Variants in CDK5RAP2 observed in about 807,000 individuals in gnomAD.
CDK5RAP2 encodes the protein CDK5 regulatory subunit-associated protein 2.
In CDK5RAP2, 147 loss-of-function variants were observed where a neutral mutation model predicts 232.9. The ratio of observed to expected loss-of-function variants is 0.63; its 90% CI spans 0.55 to 0.72. The LOEUF (loss-of-function observed/expected upper bound fraction) is 0.72. Among genes scored for constraint, CDK5RAP2 ranks in the 30% least tolerant of loss-of-function variants. CDK5RAP2 has a pLI of 0.00. For synonymous variants in CDK5RAP2, 833 were observed against 833.7 expected (o/e 1.00, Z 0.01); for missense variants, 2,195 against 2,231.5 (o/e 0.98, Z 0.33).
chr9:120,486,789 A>G (rs1473927658), intron 14 of CDK5RAP2, among the ~76,000 whole-genome samples: 1 of 152,222 alleles, frequency 6.6e-6, no homozygotes, highest in African/African-American at 2.4e-5. Context: ...TTCAGGAGTT[A>G]GCATGTAAAC....
chr9:120,553,115 A>G (rs1363177777), intron 3 of CDK5RAP2, among the ~76,000 whole-genome samples: 1 of 152,188 alleles, frequency 6.6e-6, no homozygotes, highest in Non-Finnish European at 1.5e-5. Context: ...TTTATATACA[A>G]TATCTCAATT....
At chr9:120,418,850 T>A (rs764981406) in intron 27 of CDK5RAP2, among the ~76,000 whole-genome samples, 1 of 152,166 alleles carries the variant, frequency 6.6e-6, no homozygotes. Flanking sequence ...GAGGCCACCA[T>A]GGGACAAAGG....
intron 5 of CDK5RAP2, 85 bp from the exon 6 acceptor site, chr9:120,539,249 G>C: frequency 6.5e-7 from 1 of 1,541,080 alleles, no homozygotes; most frequent in South Asian, 1.1e-5. Context: ...AGGAGTATTT[G>C]CTAGTCATTT....
In CDK5RAP2 at chr9:120,400,896, G is replaced by T. The variant is rs191994393; in HGVS notation, c.5308-11C>A. The T allele has an allele frequency of 6.2e-7, 1 of 1,614,112 alleles. No individual in the cohort carries two copies. Among genetic ancestry groups the T allele is most frequent in the South Asian group, 1.1e-5 (1 of 91,080 alleles). ...TGCTGGGTGTGGACCCTACACGGGG[G>T]ATATGAAGGCTGTTACGTGCAGTCT... On this transcript the variant is annotated splice_polypyrimidine_tract_variant and intron_variant, in intron 34 of 37. Coordinates refer to ENST00000349780, the MANE Select transcript of CDK5RAP2 (RefSeq NM_018249.6).
chr9:120,469,476 A>G (rs1332796819), intron 17 of CDK5RAP2, among the ~76,000 whole-genome samples: 1 of 152,228 alleles, frequency 6.6e-6, no homozygotes, highest in Non-Finnish European at 1.5e-5. Context: ...AATCTTAGTC[A>G]CACATACATG....
At chr9:120,494,612 TAATA>T (rs1564295854) in intron 12 of CDK5RAP2, among the ~76,000 whole-genome samples, 1 of 132,078 alleles carries the variant, frequency 7.6e-6, no homozygotes, top group Admixed American at 6.9e-5. Flanking sequence ...AACAAATAAC[TAATA>T]AACAAATGCA....
At chr9:120,558,610 A>G (rs1283512784) in intron 3 of CDK5RAP2, among the ~76,000 whole-genome samples, 2 of 152,056 alleles carry the variant, frequency 1.3e-5, no homozygotes, top group Non-Finnish European at 2.9e-5. Context: ...CCTGTTCACA[A>G]TATTCCAGCC....
Position 120,403,616 on chromosome 9 carries a change from G to T in CDK5RAP2, c.5041+420C>A, listed in dbSNP as rs1564173445. On this transcript the variant is annotated intron_variant, in intron 33 of 37. Transcript: ENST00000349780. The surrounding 1 kb of genome is among the most constrained non-coding windows in gnomAD (Gnocchi z 4.2). ...ATGTGTATTCATGATGAGTCTTGAG[G>T]AAACGGGACTTCTACCGGCAAAGAG... 3.3e-6 allele frequency: 1 copy of T among 304,736 alleles called. No homozygotes were observed. The highest frequency in any genetic ancestry group is 6.3e-6 in the Non-Finnish European group (1 of 157,828). The allele number at this position is 304,736 out of a possible 1,614,324, so 18.9% of individuals were successfully genotyped here. A position where few individuals can be genotyped will look rare whatever the true frequency, so the allele number is the denominator to read the frequency against.
chr9:120,449,301 G>C (rs2036363813), intron 21 of CDK5RAP2, among the ~76,000 whole-genome samples: 1 of 152,072 alleles, frequency 6.6e-6, no homozygotes, highest in Non-Finnish European at 1.5e-5. Flanking sequence ...AGGAAAATGG[G>C]ACTTGATTTC....
intron 13 of CDK5RAP2, among the ~76,000 whole-genome samples, chr9:120,489,226 G>T (rs2038765442): frequency 1.3e-5 from 2 of 152,136 alleles, no homozygotes; most frequent in Non-Finnish European, 2.9e-5. Context: ...CCAAGTGTGG[G>T]TTCTTTGTAT....
chr9:120,422,733 C>G lies in CDK5RAP2; in HGVS notation c.3964G>C (p.Val1322Leu), dbSNP rs764196113. ...TTCTGGGTGTTCATTTCCACTCCAA[C>G]TGATTTTCCTGGAAGCAGAAATAAC... ...LEKLFLNGKS[V>L]GVEMNTQNEL... Residue 1322 changes from valine (V) to leucine (L), a missense_variant, in exon 26 of 38, where the codon GTT (valine) becomes CTT (leucine). Val to Leu is a conservative substitution (Grantham distance 32). Transcript: ENST00000349780. The G allele has an allele frequency of 1.9e-6, 3 of 1,612,268 alleles. No homozygotes were observed. The highest frequency in any genetic ancestry group is 1.7e-5 in the Admixed American group (1 of 60,012).
rs372350373 is a variant in CDK5RAP2 at position 120,568,354 on chromosome 9, G to A, written c.162C>T (p.Pro54=). The A allele has an allele frequency of 6.2e-7, 1 of 1,613,692 alleles. No homozygotes were observed. Residue 54 remains proline, a synonymous_variant, in exon 3 of 38, where the codon CCC becomes CCT. Coordinates refer to ENST00000349780, the MANE Select transcript of CDK5RAP2 (RefSeq NM_018249.6). ...LPNVSEETVS[P]TRARNMKDFE... is the part of the protein sequence containing the mutation. ...AGTCCTTCATGTTCCGTGCTCTGGT[G>A]GGAGACACTGTTTCTTCTGACACAT...
In CDK5RAP2 at chr9:120,491,450, G is replaced by C. The variant is rs369321828; in HGVS notation, c.1339C>G (p.Arg447Gly). 3 of 1,610,844 alleles carry C rather than the reference G, an allele frequency of 1.9e-6. No individual in the cohort carries two copies. The highest frequency in any genetic ancestry group is 2.2e-5 in the East Asian group (1 of 44,754). ...RDLRNEVEKL[R>G]NEVNEREKAM... Reference sequence around the variant, plus strand: ...TTCTCTCTTTCATTCACTTCATTGCGTAATTTTTCAACTTCATTTCTAAGA... The same window carrying C: ...TTCTCTCTTTCATTCACTTCATTGCCTAATTTTTCAACTTCATTTCTAAGA... Residue 447 changes from arginine (R) to glycine (G), a missense_variant, in exon 13 of 38, where the codon CGC becomes GGC. By Grantham distance (125) the Arg-to-Gly change is moderately radical. Coordinates refer to ENST00000349780, the MANE Select transcript of CDK5RAP2 (RefSeq NM_018249.6).
intron 16 of CDK5RAP2, among the ~76,000 whole-genome samples, chr9:120,470,710 G>A (rs185703129): frequency 6.6e-6 from 1 of 150,930 alleles, no homozygotes; most frequent in Admixed American, 6.6e-5. Flanking sequence ...TGCAGAAAGT[G>A]CCTGCTAGTG....
At chr9:120,391,739 A>G (rs1288397796) in intron 36 of CDK5RAP2, among the ~76,000 whole-genome samples, 3 of 152,230 alleles carry the variant, frequency 2.0e-5, no homozygotes, top group Non-Finnish European at 4.4e-5. Flanking sequence ...GGTAGCAATC[A>G]GCCCTGGCCT....
At chr9:120,501,022 T>C (rs2039549694) in intron 12 of CDK5RAP2, among the ~76,000 whole-genome samples, 1 of 152,188 alleles carries the variant, frequency 6.6e-6, no homozygotes, top group Non-Finnish European at 1.5e-5. Flanking sequence ...CTACTGTGTG[T>C]CAAGCACCTA....
At chr9:120,474,349 A>G (rs1342200455) in intron 15 of CDK5RAP2, among the ~76,000 whole-genome samples, 1 of 152,170 alleles carries the variant, frequency 6.6e-6, no homozygotes, top group African/African-American at 2.4e-5. Flanking sequence ...CCCACCCGCC[A>G]GGGGACATTT....
intron 19 of CDK5RAP2, among the ~76,000 whole-genome samples, chr9:120,459,956 T>C (rs1027686628): frequency 6.6e-6 from 1 of 152,196 alleles, no homozygotes; most frequent in African/African-American, 2.4e-5. Flanking sequence ...ACTTATTTTA[T>C]GAATTAGAGG....
intron 22 of CDK5RAP2, among the ~76,000 whole-genome samples, chr9:120,445,721 C>T (rs2036149488): frequency 6.6e-6 from 1 of 152,196 alleles, no homozygotes; most frequent in African/African-American, 2.4e-5. Flanking sequence ...CCTTTAACCA[C>T]TAGAGAGCCT....
Sources: gnomAD v4.1 joint callset for allele counts (sites outside exome capture counted in the v4.1 genomes callset) on GRCh38, gnomAD v4.1.1 for gene constraint, Gnocchi (gnomAD v3.1) non-coding constraint, MANE v1.5 for transcripts, NCBI Gene and HGNC (gene_info 2026-07-23, HGNC 2026-07-21) for gene names.